Variants in SUN1 observed in about 807,000 individuals in gnomAD.
SUN1 encodes Sad1 and UNC84 domain containing 1.
Under a neutral mutation model 103.2 loss-of-function variants are expected in SUN1, and 61 were observed. That is an observed-to-expected ratio of 0.59 (90% CI 0.48 to 0.73). The LOEUF (loss-of-function observed/expected upper bound fraction) is 0.73, where lower values mean the gene tolerates loss of function less well. Ranked by LOEUF, SUN1 falls within the 30% of genes least tolerant of loss-of-function variation. SUN1 has a pLI of 0.00. For missense variants in SUN1, 1,052 were observed against 1,034.6 expected, an observed-to-expected ratio of 1.02 and a Z score of -0.23; for synonymous variants, 490 against 425.7, an observed-to-expected ratio of 1.15 and a Z score of -1.86.
At position 852,648 on chromosome 7, in the gene SUN1, C is replaced by G. The variant is rs1823345032; in HGVS notation, c.891C>G (p.Ile297Met). 3.1e-6 allele frequency: 5 copies of G among 1,614,052 alleles called. No homozygotes were observed. The Admixed American group carries it at 8.3e-5, about 27-fold the overall frequency. ...TCTGCAAGTTTTTAGTCTTGCTCAT[C>G]CCACTCTTCCTTTTACTAGGTAAGT... Reference protein sequence around the residue: ...RNICKFLVLLIPLFLLLAGLS... With the variant: ...RNICKFLVLLMPLFLLLAGLS... Residue 297 changes from isoleucine (I) to methionine (M), a missense_variant, in exon 8 of 19, where the codon ATC (isoleucine) becomes ATG (methionine). Ile to Met is a conservative substitution (Grantham distance 10). Transcript: ENST00000401592.
intron 12 of SUN1, 123 bp downstream of exon 12, chr7:856,524 C>T (rs1438986995): frequency 1.7e-5 from 19 of 1,088,842 alleles, no homozygotes; most frequent in Non-Finnish European, 2.5e-5. Flanking sequence ...CCTGAAGGCC[C>T]TGAGGTTCGT....
At chr7:864,103 T>G (rs1834361141) in intron 15 of SUN1, among the ~76,000 whole-genome samples, 1 of 152,230 alleles carries the variant, frequency 6.6e-6, no homozygotes, top group Non-Finnish European at 1.5e-5. Flanking sequence ...ATTTTTTAAT[T>G]TTTGTGGGTA....
intron 5 of SUN1, among the ~76,000 whole-genome samples, chr7:845,501 A>G (rs1184663596): frequency 6.6e-6 from 1 of 152,134 alleles, no homozygotes; most frequent in Non-Finnish European, 1.5e-5. Context: ...AATCAGACAC[A>G]AAGAAGAAAA....
At chr7:817,626 G>A (rs1782032172) in intron 1 of SUN1, 2 of 1,165,012 alleles carry the variant, frequency 1.7e-6, no homozygotes, top group Admixed American at 2.6e-5. Flanking sequence ...TATTGCCCAT[G>A]AAGTGCTTGC....
chr7:860,191 C>G lies in SUN1; in HGVS notation c.1588C>G (p.Leu530Val). 6.2e-7 allele frequency: 1 copy of G among 1,614,250 alleles called. No homozygotes were observed. Among genetic ancestry groups the G allele is most frequent in the Non-Finnish European group, 8.5e-7 (1 of 1,180,046 alleles). Residue 530 changes from leucine (L) to valine (V), a missense_variant, in exon 14 of 19, where the codon CTG (leucine) becomes GTG (valine). By Grantham distance (32) the Leu-to-Val change is conservative. Around this residue, in one of 2 missense-constraint regions of SUN1, gnomAD observed 846 missense variants for 774.5 expected, o/e 1.09. Coordinates refer to ENST00000401592, the MANE Select transcript of SUN1 (RefSeq NM_001130965.3). Reference sequence around the variant, plus strand: ...TTCCGAAGATCAGCAAGGCGGTTCTCTGGAACAGCTGCTGCAGAGGTTCTC... The same window carrying G: ...TTCCGAAGATCAGCAAGGCGGTTCTGTGGAACAGCTGCTGCAGAGGTTCTC... ...LFSEDQQGGS[L>V]EQLLQRFSSQ... is the part of the protein sequence containing the mutation.
chr7:844,353 G>A (rs569418631), intron 5 of SUN1, among the ~76,000 whole-genome samples: 2 of 152,348 alleles, frequency 1.3e-5, no homozygotes, highest in African/African-American at 4.8e-5. Flanking sequence ...GCTGTGCCTG[G>A]AGGTGCTGGA....
At position 866,333 on chromosome 7, in the gene SUN1, T is replaced by C. The variant is rs114573552; in HGVS notation, c.1980+266T>C. Among the ~76,000 whole-genome samples, 916 of 152,228 alleles carry C rather than the reference T, an allele frequency of 6.0e-3. 11 individuals carry two copies. The highest frequency in any genetic ancestry group is 0.021 in the African/African-American group (862 of 41,530). On this transcript the variant is annotated intron_variant, in intron 16 of 18. Transcript: ENST00000401592. ...GGTCCTGTCAGCCTTCCTCCCTCCCTCTTTTGGGTGTTCCAGCCATGGTGT... is the reference window on the plus strand; with the variant it reads ...GGTCCTGTCAGCCTTCCTCCCTCCCCCTTTTGGGTGTTCCAGCCATGGTGT...
At chr7:825,274 G>A (rs1790595409) in intron 1 of SUN1, among the ~76,000 whole-genome samples, 1 of 152,180 alleles carries the variant, frequency 6.6e-6, no homozygotes, top group Non-Finnish European at 1.5e-5. Flanking sequence ...GTGTTAGTCA[G>A]GTTGGTCTTG....
At chr7:833,887 T>C (rs546767297) in intron 1 of SUN1, among the ~76,000 whole-genome samples, 2 of 152,316 alleles carry the variant, frequency 1.3e-5, no homozygotes, top group East Asian at 1.9e-4. Flanking sequence ...TGGTCACTTA[T>C]TTTTGCTTTT....
chr7:856,808 G>A (rs10232964), intron 12 of SUN1, among the ~76,000 whole-genome samples: 69,339 of 151,904 alleles, frequency 0.46, 16,000 homozygotes, highest in East Asian at 0.64. Flanking sequence ...AGGTGGGCGG[G>A]GTTACAGCTC....
rs550119546 is a variant in SUN1, at chr7:832,620, G to A, written c.77+19G>A. The A allele has an allele frequency of 6.9e-6, 11 of 1,601,374 alleles. No homozygotes were observed. Among genetic ancestry groups the A allele is most frequent in the African/African-American group, 2.7e-5 (2 of 74,678 alleles). ...CGCTCAGGTGAGTGTGCACCTGCAC[G>A]TGGGGTCCTGGCCTTGCAATGCCCA... On this transcript the variant is annotated intron_variant, in intron 1 of 18. Coordinates refer to ENST00000401592, the MANE Select transcript of SUN1 (RefSeq NM_001130965.3).
intron 1 of SUN1, among the ~76,000 whole-genome samples, chr7:824,657 G>A (rs1789659983): frequency 6.6e-5 from 10 of 152,174 alleles, no homozygotes; most frequent in Admixed American, 6.5e-4. Flanking sequence ...GTGATCATCG[G>A]TCTTCTGGTA....
intron 16 of SUN1, chr7:868,461 C>G (rs150859125): frequency 3.4e-5 from 10 of 297,052 alleles, no homozygotes; most frequent in Admixed American, 4.8e-5. Flanking sequence ...TTTCCCAGGG[C>G]ATCAGCAGCT....
intron 1 of SUN1, among the ~76,000 whole-genome samples, 155 bp downstream of exon 1, chr7:832,756 G>A (rs2128226911): frequency 6.6e-6 from 1 of 152,332 alleles, no homozygotes; most frequent in East Asian, 1.9e-4. Context: ...GGCTTTAGAG[G>A]TGGTTTTTTC....
chr7:838,431 G>A (rs190563950), intron 1 of SUN1, among the ~76,000 whole-genome samples: 2 of 152,158 alleles, frequency 1.3e-5, no homozygotes, highest in Non-Finnish European at 2.9e-5. Flanking sequence ...TAAATCTCAC[G>A]TCCGCGTAGT....
chr7:853,806 C>T (rs1049714960), intron 10 of SUN1, among the ~76,000 whole-genome samples, 188 bp downstream of exon 10: 2 of 152,208 alleles, frequency 1.3e-5, no homozygotes, highest in African/African-American at 4.8e-5. Context: ...TGCCGATGAC[C>T]AGGAGCTGTG....
At chr7:839,007 T>G (rs1362126512) in intron 2 of SUN1, 21 bp downstream of exon 2, 1 of 1,518,458 alleles carries the variant, frequency 6.6e-7, no homozygotes, top group East Asian at 2.3e-5. Flanking sequence ...CTGCACTTCC[T>G]CTCCATCTGA....
intron 5 of SUN1, among the ~76,000 whole-genome samples, chr7:846,086 T>C (rs1327170101): frequency 6.6e-6 from 1 of 152,108 alleles, no homozygotes; most frequent in Admixed American, 6.6e-5. Flanking sequence ...CTTTATTCTT[T>C]TTGATGCCTG....
At chr7:825,629 T>C (rs1791024260) in intron 1 of SUN1, among the ~76,000 whole-genome samples, 2 of 152,212 alleles carry the variant, frequency 1.3e-5, no homozygotes, top group African/African-American at 4.8e-5. Context: ...TTTTTAAGGA[T>C]TCTCAGTCAG....
Sources: gnomAD v4.1 joint callset for allele counts (sites outside exome capture counted in the v4.1 genomes callset) on GRCh38, gnomAD v4.1.1 for gene constraint, gnomAD v4.1.1 regional missense constraint, MANE v1.5 for transcripts, NCBI Gene and HGNC (gene_info 2026-07-23, HGNC 2026-07-21) for gene names.